Variants in NRCAM observed in about 807,000 individuals in gnomAD.
NRCAM encodes the protein neuronal cell adhesion molecule, also known as NgCAM-related cell adhesion molecule.
Under a neutral mutation model 156.5 loss-of-function variants are expected in NRCAM, and 83 were observed. The ratio of observed to expected loss-of-function variants is 0.53; its 90% CI spans 0.44 to 0.64. The LOEUF (loss-of-function observed/expected upper bound fraction) is 0.64, where lower values mean the gene tolerates loss of function less well. NRCAM is among the 30% of genes least tolerant of loss of function. The probability of loss-of-function intolerance (pLI) is 0.00; values close to 1 mark genes in which losing one functional copy is unlikely to be tolerated. For synonymous variants in NRCAM, 538 were observed against 563.9 expected, an observed-to-expected ratio of 0.95 and a Z score of 0.65; for missense variants, 1,417 against 1,597.3, an observed-to-expected ratio of 0.89 and a Z score of 1.92.
At chr7:108,213,481 T>C (rs1007384305) in intron 11 of NRCAM, among the ~76,000 whole-genome samples, 2 of 152,184 alleles carry the variant, frequency 1.3e-5, no homozygotes, top group African/African-American at 4.8e-5. Context: ...AACTGCAGAA[T>C]GGATAAGAAC....
At chr7:108,380,372 C>T (rs1184939498) in intron 2 of NRCAM, among the ~76,000 whole-genome samples, 1 of 152,092 alleles carries the variant, frequency 6.6e-6, no homozygotes, top group African/African-American at 2.4e-5. Context: ...ATTTCCAGGT[C>T]ATTATTTGCC....
At chr7:108,390,854 T>C (rs1193437823) in intron 2 of NRCAM, among the ~76,000 whole-genome samples, 1 of 152,224 alleles carries the variant, frequency 6.6e-6, no homozygotes, top group African/African-American at 2.4e-5. Context: ...CAGGAGCAGG[T>C]TGTTCAGTTT....
chr7:108,290,858 T>C (rs374587279), intron 3 of NRCAM, among the ~76,000 whole-genome samples: 2 of 152,210 alleles, frequency 1.3e-5, no homozygotes, highest in African/African-American at 4.8e-5. Flanking sequence ...CTCGCTACTG[T>C]AGCCTCAAAG....
intron 22 of NRCAM, among the ~76,000 whole-genome samples, chr7:108,183,436 T>A (rs1173866420): frequency 6.6e-6 from 1 of 152,148 alleles, no homozygotes; most frequent in Non-Finnish European, 1.5e-5. Flanking sequence ...GAATTATGAG[T>A]AAATATATGT....
Position 108,163,471 on chromosome 7 carries a change from A to C in NRCAM, c.3467-2979T>G, listed in dbSNP as rs141516367. Among the ~76,000 whole-genome samples, 1,113 of 152,272 alleles carry C rather than the reference A, an allele frequency of 7.3e-3. 17 individuals carry two copies. The highest frequency in any genetic ancestry group is 0.025 in the African/African-American group (1,052 of 41,556). On this transcript the variant is annotated intron_variant, in intron 30 of 32. Coordinates refer to ENST00000379028, the MANE Select transcript of NRCAM (RefSeq NM_001037132.4). The stretch of plus-strand genomic sequence containing the variant: ...TTTATGAAGAATGCACTATGGATGA[A>C]AATGTCCTGTTCAAATGCTTAGACA...
chr7:108,310,015 C>A (rs1223914972), intron 3 of NRCAM, among the ~76,000 whole-genome samples: 4 of 152,130 alleles, frequency 2.6e-5, no homozygotes, highest in Non-Finnish European at 5.9e-5. Flanking sequence ...GATGTAACTA[C>A]CCTTCTCCTA....
At chr7:108,428,323 T>C (rs1820083900) in intron 1 of NRCAM, among the ~76,000 whole-genome samples, 1 of 152,358 alleles carries the variant, frequency 6.6e-6, no homozygotes, top group South Asian at 2.1e-4. Flanking sequence ...GTATCAGTTG[T>C]GCCTACATAT....
At chr7:108,299,114 A>AAAAAAAAAAAAAAAGAAAAAAAG in intron 3 of NRCAM, among the ~76,000 whole-genome samples, 1 of 25,518 alleles carries the variant, frequency 3.9e-5, no homozygotes, top group Non-Finnish European at 8.0e-5. Flanking sequence ...TCAAAAAAAA[A>AAAAAAAAAAAAAAAGAAAAAAAG]AAAGAAAGAA....
At chr7:108,198,902 G>A (rs1026246342) in intron 13 of NRCAM, among the ~76,000 whole-genome samples, 2 of 152,184 alleles carry the variant, frequency 1.3e-5, no homozygotes, top group Non-Finnish European at 2.9e-5. Flanking sequence ...AACTGGCTGG[G>A]TAACACAGTA....
intron 1 of NRCAM, among the ~76,000 whole-genome samples, chr7:108,401,591 A>C (rs1404304957): frequency 6.6e-6 from 1 of 152,168 alleles, no homozygotes; most frequent in African/African-American, 2.4e-5. Flanking sequence ...ACTACTGAGC[A>C]CCTTCTATGA....
intron 3 of NRCAM, among the ~76,000 whole-genome samples, chr7:108,258,048 C>A (rs777839723): frequency 2.6e-5 from 4 of 152,178 alleles, no homozygotes; most frequent in Admixed American, 1.3e-4. Flanking sequence ...TAAAAGAAAG[C>A]AAGCTCAGAC....
intron 2 of NRCAM, among the ~76,000 whole-genome samples, chr7:108,358,440 C>T (rs974084402): frequency 6.7e-6 from 1 of 149,918 alleles, no homozygotes; most frequent in African/African-American, 2.5e-5. Flanking sequence ...AACTTCCTGC[C>T]ACTGTCCCAG....
At chr7:108,198,565 G>C (rs368492452) in intron 13 of NRCAM, among the ~76,000 whole-genome samples, 11 of 152,214 alleles carry the variant, frequency 7.2e-5, no homozygotes, top group Admixed American at 3.3e-4. Context: ...AAACATTGCC[G>C]TGTTCAAGAG....
intron 19 of NRCAM, among the ~76,000 whole-genome samples, chr7:108,190,365 T>C (rs1428470136): frequency 1.3e-5 from 2 of 152,214 alleles, no homozygotes; most frequent in East Asian, 3.8e-4. Flanking sequence ...CTGCCTCTTC[T>C]AATGGTGCTT....
chr7:108,181,112 A>C (rs1452230493), intron 24 of NRCAM, among the ~76,000 whole-genome samples: 2 of 152,168 alleles, frequency 1.3e-5, no homozygotes, highest in Non-Finnish European at 2.9e-5. Flanking sequence ...ATTGTTGTTT[A>C]CTAAGTCTTC....
At chr7:108,349,560 G>C (rs1001774163) in intron 2 of NRCAM, among the ~76,000 whole-genome samples, 1 of 152,114 alleles carries the variant, frequency 6.6e-6, no homozygotes, top group Admixed American at 6.5e-5. Context: ...GAGCCACCGT[G>C]CCTGGCTTAG....
Position 108,232,457 on chromosome 7 carries a change from G to C in NRCAM, c.296C>G (p.Pro99Arg), listed in dbSNP as rs961381883. 5 of 1,613,542 alleles carry C rather than the reference G, an allele frequency of 3.1e-6. No homozygotes were observed. The highest frequency in any genetic ancestry group is 4.2e-6 in the Non-Finnish European group (5 of 1,179,750). The change falls in exon 7 of 33, where the codon CCT becomes CGT. Residue 99 changes from proline to arginine, a missense_variant. Pro to Arg is a moderately radical substitution (Grantham distance 103, BLOSUM62 -2). Coordinates refer to ENST00000379028, the MANE Select transcript of NRCAM (RefSeq NM_001037132.4). The part of the protein sequence containing the change: ...IDKDPLVTMK[P>R]GTGTLIINIM... Reference sequence around the variant, plus strand: ...GTTAATTATGAGCGTTCCTGTGCCAGGCTTCATGGTGACCAGAGGGTCTTT... The same window carrying C: ...GTTAATTATGAGCGTTCCTGTGCCACGCTTCATGGTGACCAGAGGGTCTTT...
At chr7:108,345,433 A>T (rs1442121468) in intron 2 of NRCAM, among the ~76,000 whole-genome samples, 1 of 152,236 alleles carries the variant, frequency 6.6e-6, no homozygotes, top group African/African-American at 2.4e-5. Context: ...AATAGTGTTT[A>T]TAAGAGCAAC....
At chr7:108,402,962 T>C (rs1008269878) in intron 1 of NRCAM, among the ~76,000 whole-genome samples, 4 of 152,204 alleles carry the variant, frequency 2.6e-5, no homozygotes, top group Non-Finnish European at 5.9e-5. Context: ...CGAGAGAGCA[T>C]GTGAAAGGTG....
Sources: allele counts gnomAD v4.1 joint callset (sites outside exome capture counted in the v4.1 genomes callset), GRCh38; gene constraint gnomAD v4.1.1; transcripts MANE v1.5; gene names NCBI Gene and HGNC (gene_info 2026-07-23, HGNC 2026-07-21).